RBFOX1: variants seen among roughly 807,000 people sequenced by gnomAD.
RBFOX1 encodes the protein RNA binding fox-1 homolog 1, also known as RNA binding protein fox-1 homolog 1.
RBFOX1 carries 8 observed loss-of-function variants against 57.7 expected under a neutral mutation model. That is an observed-to-expected ratio of 0.14 (90% confidence interval 0.08 to 0.25). RBFOX1 has a LOEUF of 0.25. Ranked by LOEUF, RBFOX1 falls within the 10% of genes least tolerant of loss-of-function variation. RBFOX1 has a pLI of 1.00. For missense variants in RBFOX1, 611 were observed against 548.5 expected (o/e 1.11, Z -1.14); for synonymous variants, 326 against 222.4 (o/e 1.47, Z -4.15).
chr16:7,598,071 T>C (rs772929655), intron 9 of RBFOX1, among the ~76,000 whole-genome samples: 6 of 152,212 alleles, frequency 3.9e-5, no homozygotes, highest in Non-Finnish European at 7.3e-5. Flanking sequence ...CATTCACATA[T>C]GAGTTATTAA....
chr16:6,450,847 A>G (rs1384703510), intron 2 of RBFOX1, among the ~76,000 whole-genome samples: 10 of 66,464 alleles, frequency 1.5e-4, no homozygotes, highest in African/African-American at 4.1e-4. Context: ...GTGTATATAT[A>G]TATATATATA....
chr16:6,803,945 T>C (rs932672744), intron 3 of RBFOX1, among the ~76,000 whole-genome samples: 1 of 151,994 alleles, frequency 6.6e-6, no homozygotes, highest in Non-Finnish European at 1.5e-5. Context: ...TTAGAACCCA[T>C]AGTTTCCTAA....
chr16:7,518,334 A>C lies in RBFOX1; in HGVS notation c.215A>C (p.His72Pro). The C allele has an allele frequency of 6.2e-7, 1 of 1,613,496 alleles. No homozygotes were observed. Among genetic ancestry groups the C allele is most frequent in the Non-Finnish European group, 8.5e-7 (1 of 1,179,798 alleles). The stretch of plus-strand genomic sequence containing the variant: ...AACCTGTACCCTCCCGCCCAGACGC[A>C]CTCCGAGCAGAGCCCGGCGGACACG... ...TLNLYPPAQT[H>P]SEQSPADTSA... The change falls in exon 5 of 16, where the codon CAC becomes CCC. Residue 72 changes from histidine to proline, a missense_variant. By Grantham distance (77) the His-to-Pro change is moderately conservative. Around this residue, in one of 3 missense-constraint regions of RBFOX1, gnomAD observed 245 missense variants for 159.1 expected, o/e 1.54. Transcript: ENST00000550418.
At chr16:6,079,207 G>A (rs940010492) in intron 1 of RBFOX1, among the ~76,000 whole-genome samples, 1 of 152,210 alleles carries the variant, frequency 6.6e-6, no homozygotes, top group Admixed American at 6.5e-5. Context: ...TCGGGAGGCT[G>A]AGGCAGGATA....
chr16:5,991,661 T>G (rs1245127686), intron 4 of RBFOX1, among the ~76,000 whole-genome samples: 6 of 151,116 alleles, frequency 4.0e-5, no homozygotes, highest in African/African-American at 1.5e-4. Context: ...TTTTTTTTTT[T>G]TTTTTCTTTT....
chr16:5,409,035 T>G (rs1014133472), intron 1 of RBFOX1, among the ~76,000 whole-genome samples: 5 of 152,164 alleles, frequency 3.3e-5, no homozygotes, highest in Admixed American at 2.0e-4. Flanking sequence ...CCTGTGGCTA[T>G]CTCACGCTGT....
intron 3 of RBFOX1, among the ~76,000 whole-genome samples, chr16:6,884,959 C>T (rs879360350): frequency 5.9e-5 from 9 of 152,146 alleles, no homozygotes; most frequent in Non-Finnish European, 1.3e-4. Context: ...AAAACTGAGA[C>T]CGCAACCCAG....
In RBFOX1 at chr16:5,536,571, G is replaced by A. The variant is rs377200652; in HGVS notation, c.259-62331G>A. ...CTTACTGCACACCACAAAGAAAGCCGATCACTGAGACAATGAGTGTTTCCA... is the reference window on the plus strand; with the variant it reads ...CTTACTGCACACCACAAAGAAAGCCAATCACTGAGACAATGAGTGTTTCCA... On this transcript the variant is annotated intron_variant, in intron 2 of 2. Coordinates refer to the RBFOX1 transcript ENST00000585867. Among the ~76,000 whole-genome samples the A allele has an allele frequency of 3.5e-4, 54 of 152,164 alleles. No individual in the cohort carries two copies. In the East Asian group the frequency reaches 4.4e-3, roughly 13 times the overall value.
intron 3 of RBFOX1, among the ~76,000 whole-genome samples, chr16:6,788,030 C>T (rs986919345): frequency 2.0e-5 from 3 of 152,052 alleles, no homozygotes; most frequent in African/African-American, 7.2e-5. Flanking sequence ...CGAGACCAGC[C>T]AGACCAACAT....
intron 2 of RBFOX1, among the ~76,000 whole-genome samples, chr16:6,400,957 C>A (rs998804549): frequency 6.6e-6 from 1 of 152,076 alleles, no homozygotes; most frequent in African/African-American, 2.4e-5. Flanking sequence ...CTATCAGTAT[C>A]AATTTAGTTT....
intron 3 of RBFOX1, among the ~76,000 whole-genome samples, chr16:6,875,780 G>A (rs1388807): frequency 0.22 from 32,752 of 152,072 alleles, 4,479 homozygotes; most frequent in Admixed American, 0.35. Flanking sequence ...CATGACAGCA[G>A]GATTATTTGA....
chr16:6,359,761 T>G (rs1015703392), intron 2 of RBFOX1, among the ~76,000 whole-genome samples: 3 of 152,160 alleles, frequency 2.0e-5, no homozygotes, highest in African/African-American at 7.2e-5. Flanking sequence ...ATACTTATAC[T>G]TATACACAGC....
intron 4 of RBFOX1, among the ~76,000 whole-genome samples, chr16:5,961,406 A>G (rs2059745312): frequency 6.6e-6 from 1 of 152,156 alleles, no homozygotes; most frequent in Non-Finnish European, 1.5e-5. Flanking sequence ...GGGTGGTGGG[A>G]CAGAAATTCT....
In RBFOX1 at chr16:5,581,930, A is replaced by G. The variant is rs1002239485; in HGVS notation, c.259-16972A>G. Among the ~76,000 whole-genome samples the G allele has an allele frequency of 1.2e-4, 19 of 152,232 alleles. 1 individual carries two copies. The highest frequency in any genetic ancestry group is 4.6e-4 in the African/African-American group (19 of 41,466). On this transcript the variant is annotated intron_variant, in intron 2 of 2. Coordinates refer to the RBFOX1 transcript ENST00000585867. ...CAAGGACGCTGTAATGTAGATGAGT[A>G]AGTGTAGTTGAAGGCAAAACTGAGA... is the stretch of plus-strand genomic sequence containing the variant.
chr16:6,558,738 C>T (rs977131974), intron 2 of RBFOX1, among the ~76,000 whole-genome samples: 1 of 152,048 alleles, frequency 6.6e-6, no homozygotes, highest in Non-Finnish European at 1.5e-5. Flanking sequence ...AGGTAAAGAA[C>T]GTGTTTCAGC....
At chr16:7,380,284 GT>G (rs1455680587) in intron 4 of RBFOX1, among the ~76,000 whole-genome samples, 1 of 152,092 alleles carries the variant, frequency 6.6e-6, no homozygotes, top group Non-Finnish European at 1.5e-5. Flanking sequence ...AATAAAAAAT[GT>G]TTTTTCTCCT....
intron 2 of RBFOX1, among the ~76,000 whole-genome samples, chr16:5,513,311 G>A (rs1236006906): frequency 2.6e-5 from 4 of 152,102 alleles, no homozygotes; most frequent in Admixed American, 2.0e-4. Context: ...CTGACGTTTC[G>A]ATTAGACTAG....
At chr16:7,103,869 T>C (rs2151419828) in intron 4 of RBFOX1, among the ~76,000 whole-genome samples, 1 of 152,252 alleles carries the variant, frequency 6.6e-6, no homozygotes, top group Middle Eastern at 3.4e-3. Context: ...AGTGATACCA[T>C]TTGCAAAAGA....
intron 4 of RBFOX1, among the ~76,000 whole-genome samples, chr16:7,401,176 A>G (rs2098236372): frequency 6.6e-6 from 1 of 152,230 alleles, no homozygotes; most frequent in Non-Finnish European, 1.5e-5. Flanking sequence ...TAAAAAATGT[A>G]TCTTCATTGC....
Sources: allele counts gnomAD v4.1 joint callset (sites outside exome capture counted in the v4.1 genomes callset), GRCh38; gene constraint gnomAD v4.1.1; regional missense constraint gnomAD v4.1.1; transcripts MANE v1.5; gene names NCBI Gene and HGNC (gene_info 2026-07-23, HGNC 2026-07-21).